CHD6: variants seen among roughly 807,000 people sequenced by gnomAD.
CHD6 encodes chromodomain helicase DNA binding protein 6.
In CHD6, 50 loss-of-function variants were observed where a neutral mutation model predicts 276.9. The ratio of observed to expected loss-of-function variants is 0.18; its 90% CI spans 0.14 to 0.23. The LOEUF (loss-of-function observed/expected upper bound fraction) is 0.23, where lower values mean the gene tolerates loss of function less well. Among genes scored for constraint, CHD6 ranks in the 10% least tolerant of loss-of-function variants. The pLI, the probability that CHD6 is intolerant of heterozygous loss-of-function variation, is 1.00. For missense variants in CHD6, 2,564 were observed against 3,365.8 expected (o/e 0.76, Z 5.89); for synonymous variants, 1,173 against 1,229.3 (o/e 0.95, Z 0.96).
At chr20:41,494,463 T>A (rs2043629804) in intron 8 of CHD6, among the ~76,000 whole-genome samples, 1 of 152,210 alleles carries the variant, frequency 6.6e-6, no homozygotes, top group South Asian at 2.1e-4. Context: ...AAAAAAAGTT[T>A]ACTACAAAAC....
chr20:41,570,860 T>C (rs1308761742), intron 1 of CHD6, among the ~76,000 whole-genome samples: 2 of 152,230 alleles, frequency 1.3e-5, no homozygotes, highest in Admixed American at 6.5e-5. Flanking sequence ...ACCTCTGTTT[T>C]CTGTGAACAT....
chr20:41,561,529 C>T (rs1235316119), intron 1 of CHD6, among the ~76,000 whole-genome samples: 1 of 152,148 alleles, frequency 6.6e-6, no homozygotes, highest in Non-Finnish European at 1.5e-5. Context: ...CTTCTCCTCA[C>T]CATCCTCCCA....
At position 41,423,479 on chromosome 20, in the gene CHD6, A is replaced by T; in HGVS notation, c.4555+13T>A. 6.2e-7 allele frequency: 1 copy of T among 1,610,036 alleles called. No individual in the cohort carries two copies. Among genetic ancestry groups the T allele is most frequent in the Non-Finnish European group, 8.5e-7 (1 of 1,176,262 alleles). ...CCTTGTATCATCTGACAATATACTG[A>T]TAGTTTTCTCACCGCCATCTTTCCA... On this transcript the variant is annotated intron_variant, in intron 30 of 36. Transcript: ENST00000373233.
chr20:41,470,191 GCTCCAT>G (rs2043021881), intron 17 of CHD6, among the ~76,000 whole-genome samples: 1 of 152,040 alleles, frequency 6.6e-6, no homozygotes, highest in African/African-American at 2.4e-5. Context: ...CAAGAACCTT[GCTCCAT>G]CTCTGTGGGA....
At chr20:41,507,879 G>A (rs1025821633) in intron 5 of CHD6, among the ~76,000 whole-genome samples, 1 of 152,046 alleles carries the variant, frequency 6.6e-6, no homozygotes, top group Non-Finnish European at 1.5e-5. Context: ...CCATAAGGAG[G>A]GAGCCTAACA....
intron 12 of CHD6, among the ~76,000 whole-genome samples, chr20:41,488,900 G>C (rs1206762373): frequency 3.3e-5 from 5 of 152,192 alleles, no homozygotes; most frequent in Non-Finnish European, 7.4e-5. Flanking sequence ...GTCATGATAA[G>C]GAAATCAGAT....
chr20:41,554,676 A>C (rs942854432), intron 1 of CHD6, among the ~76,000 whole-genome samples: 1 of 151,478 alleles, frequency 6.6e-6, no homozygotes, highest in African/African-American at 2.4e-5. Flanking sequence ...GAGTGGACAC[A>C]GCACATGTTT....
At chr20:41,616,177 G>A (rs2045933093) in intron 1 of CHD6, among the ~76,000 whole-genome samples, 1 of 152,082 alleles carries the variant, frequency 6.6e-6, no homozygotes, top group African/African-American at 2.4e-5. Context: ...ATTTTTGTGT[G>A]GTTTGCCTTA....
intron 1 of CHD6, among the ~76,000 whole-genome samples, chr20:41,568,045 G>C (rs2045378727): frequency 6.6e-6 from 1 of 152,216 alleles, no homozygotes. Flanking sequence ...CAAGGCTGTA[G>C]CAGAGGATGG....
intron 1 of CHD6, among the ~76,000 whole-genome samples, chr20:41,611,317 T>C (rs1329014552): frequency 6.6e-6 from 1 of 152,258 alleles, no homozygotes; most frequent in Non-Finnish European, 1.5e-5. Flanking sequence ...TGCTGTCTAA[T>C]ACTGGTACGA....
At chr20:41,550,717 G>A (rs1326780638) in intron 2 of CHD6, among the ~76,000 whole-genome samples, 3 of 152,184 alleles carry the variant, frequency 2.0e-5, no homozygotes, top group Non-Finnish European at 4.4e-5. Flanking sequence ...ACCTCCCTGA[G>A]TGAGGTCTCA....
chr20:41,434,920 T>C (rs1407623318), intron 27 of CHD6, among the ~76,000 whole-genome samples: 2 of 152,186 alleles, frequency 1.3e-5, no homozygotes, highest in Non-Finnish European at 2.9e-5. Context: ...ACCAAAAGCA[T>C]GTTCTTTCCA....
In CHD6 at chr20:41,455,259, C is replaced by T. The variant is rs555667340; in HGVS notation, c.3010-523G>A. On this transcript the variant is annotated intron_variant, in intron 19 of 36. Coordinates refer to ENST00000373233, the MANE Select transcript of CHD6 (RefSeq NM_032221.5). Reference sequence around the variant, plus strand: ...AATCAAACAGGTCACAAAGCTCACACAGGAATCAGCAGTGGTTGTGGCTAG... The same window carrying T: ...AATCAAACAGGTCACAAAGCTCACATAGGAATCAGCAGTGGTTGTGGCTAG... Among the ~76,000 whole-genome samples, 5 of 152,304 alleles carry T rather than the reference C, an allele frequency of 3.3e-5. No individual in the cohort carries two copies. The South Asian group carries it at 6.2e-4, about 19-fold the overall frequency.
intron 27 of CHD6, among the ~76,000 whole-genome samples, chr20:41,433,430 T>C (rs1288941688): frequency 6.6e-6 from 1 of 152,044 alleles, no homozygotes; most frequent in Non-Finnish European, 1.5e-5. Context: ...TCAGAAACCA[T>C]GGAGGCCAGA....
chr20:41,542,545 T>A (rs2146114928), intron 2 of CHD6, among the ~76,000 whole-genome samples: 1 of 150,816 alleles, frequency 6.6e-6, no homozygotes, highest in East Asian at 2.0e-4. Context: ...TACAAAAAAT[T>A]AGCTGGGCAT....
At chr20:41,583,244 A>G (rs2045559472) in intron 1 of CHD6, among the ~76,000 whole-genome samples, 1 of 152,206 alleles carries the variant, frequency 6.6e-6, no homozygotes, top group Non-Finnish European at 1.5e-5. Flanking sequence ...AAATAGCTAA[A>G]AATCAAAGTT....
Position 41,467,808 on chromosome 20 carries a change from T to TA in CHD6, c.2664+5513dup, listed in dbSNP as rs11470704. On this transcript the variant is annotated intron_variant, in intron 17 of 36. Coordinates refer to ENST00000373233, the MANE Select transcript of CHD6 (RefSeq NM_032221.5). ...GTGCTTTTGGGCAACAGAAAGGAGT[T>TA]AAAAAAAAAAAAAAAAGAGGACATT... 7.7e-3 allele frequency among the ~76,000 whole-genome samples: 1,066 copies of TA among 138,028 alleles called. 9 individuals are homozygous for TA. The highest frequency in any genetic ancestry group is 0.019 in the Middle Eastern group (5 of 264). 90.6% of individuals were successfully genotyped at this position (138,028 alleles called of 152,430 possible).
intron 1 of CHD6, among the ~76,000 whole-genome samples, chr20:41,597,988 C>T (rs533869068): frequency 3.3e-5 from 5 of 152,230 alleles, no homozygotes; most frequent in South Asian, 4.1e-4. Flanking sequence ...GCAAACAGAG[C>T]GTCTCTGCCA....
chr20:41,502,244 T>TA (rs1387100825), intron 5 of CHD6, among the ~76,000 whole-genome samples: 1 of 152,210 alleles, frequency 6.6e-6, no homozygotes, highest in Non-Finnish European at 1.5e-5. Context: ...GTAGCCACAT[T>TA]AAAAAAGTAA....
Sources: gnomAD v4.1 joint callset for allele counts (sites outside exome capture counted in the v4.1 genomes callset) on GRCh38, gnomAD v4.1.1 for gene constraint, MANE v1.5 for transcripts, NCBI Gene and HGNC (gene_info 2026-07-23, HGNC 2026-07-21) for gene names.